ISCU: variants seen among roughly 807,000 people sequenced by gnomAD.
The protein encoded by ISCU is iron-sulfur cluster assembly enzyme ISCU.
In ISCU, 13 loss-of-function variants were observed where a neutral mutation model predicts 18.4. The ratio of observed to expected loss-of-function variants is 0.71; its 90% CI spans 0.46 to 1.12. The LOEUF (loss-of-function observed/expected upper bound fraction) is 1.12, where lower values mean the gene tolerates loss of function less well. Ranked by LOEUF, ISCU falls within the 50% of genes most tolerant of loss-of-function variation. The pLI is 0.00. For missense variants in ISCU, 229 were observed against 208.7 expected (o/e 1.10, Z -0.60); for synonymous variants, 104 against 87.5 (o/e 1.19, Z -1.06).
Position 108,568,890 on chromosome 12 carries a change from A to G in ISCU, c.478A>G (p.Lys160Glu). The stretch of plus-strand genomic sequence containing the variant: ...TGATTACAAATTGAAACAAGAACCC[A>G]AAAAAGGAGAGGCAGAGAAGAAATG... ...LADYKLKQEPKKGEAEKK is the reference protein window; with the variant it reads ...LADYKLKQEPEKGEAEKK Residue 160 changes from lysine to glutamate, a missense_variant, in exon 5 of 5, where the codon AAA (lysine) becomes GAA (glutamate). Transcript: ENST00000311893. The G allele has an allele frequency of 6.2e-7, 1 of 1,612,898 alleles. No homozygotes were observed. Among genetic ancestry groups the G allele is most frequent in the Non-Finnish European group, 8.5e-7 (1 of 1,179,498 alleles).
At position 108,568,973 on chromosome 12, in the gene ISCU, C is replaced by T. The variant is rs2031029309; in HGVS notation, c.*57C>T. ...CACCAGCTGTTTCCCACCTGCTGTG[C>T]AGTCACCTTAGATGTTCAGAAGCCG... On this transcript the variant is annotated 3_prime_UTR_variant, in exon 5 of 5. Coordinates refer to ENST00000311893, the MANE Select transcript of ISCU (RefSeq NM_213595.4). 1.4e-6 allele frequency: 2 copies of T among 1,442,180 alleles called. No homozygotes were observed. The highest frequency in any genetic ancestry group is 1.4e-5 in the African/African-American group (1 of 71,576). The allele number at this position is 1,442,180 out of a possible 1,614,324, so 89.3% of individuals were successfully genotyped here.
chr12:108,567,774 A>G, intron 4 of ISCU: 15 of 1,535,152 alleles, frequency 9.8e-6, no homozygotes, highest in Admixed American at 2.0e-5. Context: ...ATCTGTATAT[A>G]TGGAACAACT....
At chr12:108,562,560 G>C (rs1183179052), upstream of ISCU, 2 of 966,830 alleles carry the variant, frequency 2.1e-6, no homozygotes, top group African/African-American at 3.4e-5. Context: ...GCTCGGAGCC[G>C]ACTCGCAGAC....
intron 3 of ISCU, among the ~76,000 whole-genome samples, chr12:108,566,623 T>C (rs1397901675): frequency 1.3e-5 from 2 of 152,194 alleles, no homozygotes; most frequent in Non-Finnish European, 1.5e-5. Context: ...CCCAGGGCTG[T>C]CAACCAGACC....
At chr12:108,566,002 C>T (rs1379670259) in intron 3 of ISCU, among the ~76,000 whole-genome samples, 1 of 152,244 alleles carries the variant, frequency 6.6e-6, no homozygotes, top group Non-Finnish European at 1.5e-5. Flanking sequence ...AAGTGTCTTT[C>T]CCTGGTAGCT....
intron 4 of ISCU, chr12:108,568,051 C>A: frequency 6.7e-7 from 1 of 1,481,572 alleles, no homozygotes; most frequent in Admixed American, 2.3e-5. Flanking sequence ...GGTGCCGGGG[C>A]AGACACACTA....
At chr12:108,565,958 G>A (rs932109014) in intron 3 of ISCU, among the ~76,000 whole-genome samples, 5 of 152,260 alleles carry the variant, frequency 3.3e-5, no homozygotes, top group African/African-American at 1.2e-4. Context: ...AGATAATAAA[G>A]AGCTAGAACT....
chr12:108,566,656 C>T (rs190250787), intron 3 of ISCU, among the ~76,000 whole-genome samples: 1 of 152,316 alleles, frequency 6.6e-6, no homozygotes, highest in Admixed American at 6.5e-5. Context: ...TTTAGTTGAT[C>T]TGGAGGAGAT....
intron 3 of ISCU, among the ~76,000 whole-genome samples, chr12:108,565,887 A>T (rs1227931937): frequency 6.6e-6 from 1 of 152,250 alleles, no homozygotes; most frequent in Non-Finnish European, 1.5e-5. Context: ...GGTGGGGGCA[A>T]AGTGAACAAC....
intron 2 of ISCU, among the ~76,000 whole-genome samples, 200 bp downstream of exon 2, chr12:108,564,592 T>A (rs2030802536): frequency 6.6e-6 from 1 of 152,254 alleles, no homozygotes. Context: ...GCTAGGCTAG[T>A]GTACTATGCC....
rs1323766038 is a variant in ISCU, at chr12:108,565,324, C to G, written c.232C>G (p.Gln78Glu). 1 of 1,611,740 alleles carries G rather than the reference C, an allele frequency of 6.2e-7. No individual in the cohort carries two copies. The highest frequency in any genetic ancestry group is 8.5e-7 in the Non-Finnish European group (1 of 1,177,924). The change falls in exon 3 of 5, where the codon CAA becomes GAA. Residue 78 changes from glutamine (Q) to glutamate (E), a missense_variant. Transcript: ENST00000311893. Reference sequence around the variant, plus strand: ...TTAACTCTTGTCTCTTTTCTAGATTCAAGTGGATGAAAAGGGGAAGATTGT... The same window carrying G: ...TTAACTCTTGTCTCTTTTCTAGATTGAAGTGGATGAAAAGGGGAAGATTGT... Reference protein sequence around the residue: ...ACGDVMKLQIQVDEKGKIVDA... With the variant: ...ACGDVMKLQIEVDEKGKIVDA...
In ISCU at chr12:108,567,194, A is replaced by G; in HGVS notation, c.344A>G (p.Glu115Gly). 6.2e-7 allele frequency: 1 copy of G among 1,613,318 alleles called. No individual in the cohort carries two copies. The highest frequency in any genetic ancestry group is 1.3e-5 in the African/African-American group (1 of 75,028). Residue 115 changes from glutamate to glycine, a missense_variant, in exon 4 of 5, where the codon GAG (glutamate) becomes GGG (glycine). Transcript: ENST00000311893. ...ATEWVKGKTV[E>G]EALTIKNTDI... ...TCTTTCCATTATGCCTCTCAGGTGG[A>G]GGAAGCCTTGACTATCAAAAACACA...
chr12:108,568,097 C>A, intron 4 of ISCU: 1 of 1,387,276 alleles, frequency 7.2e-7, no homozygotes, highest in Non-Finnish European at 9.3e-7. Context: ...GACCTAAGTT[C>A]TTTCCACTTG....
rs1417640251 is a variant in ISCU, at chr12:108,565,399, T to G, written c.307T>G (p.Ser103Ala). 1 of 1,613,688 alleles carries G rather than the reference T, an allele frequency of 6.2e-7. No individual in the cohort carries two copies. The highest frequency in any genetic ancestry group is 8.5e-7 in the Non-Finnish European group (1 of 1,179,668). The change falls in exon 3 of 5, where the codon TCA (serine) becomes GCA (alanine). Residue 103 changes from serine to alanine, a missense_variant. Physicochemically the swap from Ser to Ala is moderately conservative, Grantham distance 99. Transcript: ENST00000311893. ...FGCGSAIASS[S>A]LATEWVKGKT... The stretch of plus-strand genomic sequence containing the variant: ...CTGTGGTTCCGCAATTGCCTCCAGC[T>G]CATTAGCCACTGAATGGGTGAAAGG...
intron 1 of ISCU, chr12:108,563,888 T>C (rs1292886557): frequency 6.3e-6 from 4 of 630,774 alleles, no homozygotes; most frequent in Admixed American, 5.0e-5. Context: ...TGGGCCATGG[T>C]TATTTTTAGA....
rs139361243 is a variant in ISCU at position 108,569,125 on chromosome 12, G to A, written c.*209G>A. The A allele has an allele frequency of 1.2e-4, 72 of 584,650 alleles. No individual in the cohort carries two copies. In the East Asian group the frequency reaches 1.6e-3, roughly 13 times the overall value. The allele number at this position is 584,650 out of a possible 1,614,324, so 36.2% of individuals were successfully genotyped here. A position where few individuals can be genotyped will look rare whatever the true frequency, so the allele number is the denominator to read the frequency against. On this transcript the variant is annotated 3_prime_UTR_variant, in exon 5 of 5. Transcript: ENST00000311893. ...TGGTTTCTTTCAGCCCACTTTTATC[G>A]CCTTAACCTAGTTAATGTATATTTT...
intron 3 of ISCU, among the ~76,000 whole-genome samples, chr12:108,566,810 G>C (rs965260): frequency 0.79 from 120,110 of 152,200 alleles, 47,985 homozygotes; most frequent in East Asian, 0.92. Flanking sequence ...GCTAACATTT[G>C]GTATGAGGAC....
intron 4 of ISCU, chr12:108,568,163 T>C: frequency 7.6e-7 from 1 of 1,315,650 alleles, no homozygotes; most frequent in Non-Finnish European, 9.7e-7. Flanking sequence ...CATTTTCACA[T>C]GGTTTCAGGA....
rs1174797169 is a variant in ISCU at position 108,562,739 on chromosome 12, A to G, written c.114+3A>G. The G allele has an allele frequency of 2.3e-6, 3 of 1,318,976 alleles. No individual in the cohort carries two copies. The highest frequency in any genetic ancestry group is 2.9e-6 in the Non-Finnish European group (3 of 1,050,370). The allele number at this position is 1,318,976 out of a possible 1,614,324, so 81.7% of individuals were successfully genotyped here. A position where few individuals can be genotyped will look rare whatever the true frequency, so the allele number is the denominator to read the frequency against. On this transcript the variant is annotated splice_donor_region_variant and intron_variant, in intron 1 of 4. Coordinates refer to ENST00000311893, the MANE Select transcript of ISCU (RefSeq NM_213595.4). ...CGGCCCGACTCTATCACAAGAAGGTAGGGACAAAAGAGGGACGCGCGGAAT... is the reference window on the plus strand; with the variant it reads ...CGGCCCGACTCTATCACAAGAAGGTGGGGACAAAAGAGGGACGCGCGGAAT...
Sources: gnomAD v4.1 joint callset for allele counts (sites outside exome capture counted in the v4.1 genomes callset) on GRCh38, gnomAD v4.1.1 for gene constraint, MANE v1.5 for transcripts, NCBI Gene and HGNC (gene_info 2026-07-23, HGNC 2026-07-21) for gene names.